Variants in LRRC7 observed in about 807,000 individuals in gnomAD.
The protein encoded by LRRC7 is leucine rich repeat containing 7, also known as leucine-rich repeat-containing protein 7.
In LRRC7, 23 loss-of-function variants were observed where a neutral mutation model predicts 175.7. That is an observed-to-expected ratio of 0.13 (90% confidence interval 0.09 to 0.19). LRRC7 has a LOEUF of 0.19. Ranked by LOEUF, LRRC7 falls within the 10% of genes least tolerant of loss-of-function variation. LRRC7 has a pLI of 1.00. For missense variants in LRRC7, 1,354 were observed against 1,904.7 expected, an observed-to-expected ratio of 0.71 and a Z score of 5.38; for synonymous variants, 685 against 680.9, an observed-to-expected ratio of 1.01 and a Z score of -0.09.
At chr1:69,776,354 G>A (rs1672804012) in intron 3 of LRRC7, among the ~76,000 whole-genome samples, 1 of 152,064 alleles carries the variant, frequency 6.6e-6, no homozygotes, top group South Asian at 2.1e-4. Flanking sequence ...AAAAAAGCTG[G>A]CCTCTCCCTA....
At position 69,650,727 on chromosome 1, in the gene LRRC7, T is replaced by TACA. The variant is rs5774989; in HGVS notation, c.3-27653_3-27652insCAA. The stretch of plus-strand genomic sequence containing the variant: ...TTTAGCCATAGCTTCCTAAACAAAA[T>TACA]ATGTTGTGCAATTTCTTATAATCAG... On this transcript the variant is annotated intron_variant, in intron 1 of 26. Coordinates refer to ENST00000651989, the MANE Select transcript of LRRC7 (RefSeq NM_001370785.2). Among the ~76,000 whole-genome samples the TACA allele has an allele frequency of 1.2e-3, 186 of 151,496 alleles. 1 individual carries two copies. The highest frequency in any genetic ancestry group is 3.5e-3 in the Admixed American group (54 of 15,248).
chr1:69,901,476 T>C (rs1646133550), intron 7 of LRRC7, among the ~76,000 whole-genome samples: 1 of 152,126 alleles, frequency 6.6e-6, no homozygotes, highest in African/African-American at 2.4e-5. Context: ...GTGGGCTTCC[T>C]CATCTAGTTT....
At chr1:69,672,039 A>T (rs1397610721) in intron 1 of LRRC7, among the ~76,000 whole-genome samples, 1 of 152,136 alleles carries the variant, frequency 6.6e-6, no homozygotes, top group Non-Finnish European at 1.5e-5. Flanking sequence ...TTTAAGTTCT[A>T]GGGCACATGT....
At chr1:69,718,125 GAAA>G (rs369845382) in intron 2 of LRRC7, among the ~76,000 whole-genome samples, 1 of 32,682 alleles carries the variant, frequency 3.1e-5, no homozygotes, top group South Asian at 9.4e-4. Flanking sequence ...AAGAAAGAAA[GAAA>G]AGAAAGAAAG....
chr1:69,686,392 A>G (rs903264188), intron 2 of LRRC7, among the ~76,000 whole-genome samples: 1 of 152,212 alleles, frequency 6.6e-6, no homozygotes, highest in Non-Finnish European at 1.5e-5. Context: ...TTGAAGCAAA[A>G]ACTATAATAC....
chr1:69,786,014 C>A (rs2101042294), intron 3 of LRRC7, among the ~76,000 whole-genome samples: 1 of 152,192 alleles, frequency 6.6e-6, no homozygotes. Flanking sequence ...TTATATCCAC[C>A]ATTTGCAGGC....
At chr1:70,073,119 C>T (rs1662513593) in intron 23 of LRRC7, among the ~76,000 whole-genome samples, 1 of 152,110 alleles carries the variant, frequency 6.6e-6, no homozygotes, top group Non-Finnish European at 1.5e-5. Flanking sequence ...TAAAAATTAC[C>T]TCTTTAACAC....
intron 1 of LRRC7, among the ~76,000 whole-genome samples, chr1:69,640,882 A>G (rs1016293147): frequency 1.3e-5 from 2 of 151,658 alleles, no homozygotes; most frequent in African/African-American, 4.8e-5. Flanking sequence ...CATAATATCT[A>G]CAAAGTCATT....
chr1:69,661,824 AT>A (rs1657518723), intron 1 of LRRC7, among the ~76,000 whole-genome samples: 2 of 152,032 alleles, frequency 1.3e-5, no homozygotes. Context: ...AAAGAATGAC[AT>A]TTTTTTCATA....
At chr1:70,058,136 A>G (rs989661215) in intron 23 of LRRC7, among the ~76,000 whole-genome samples, 2 of 151,868 alleles carry the variant, frequency 1.3e-5, no homozygotes, top group African/African-American at 4.8e-5. Context: ...CACCCTCCCA[A>G]GTAGCTGGGA....
At chr1:69,929,909 A>G (rs1191937401) in intron 7 of LRRC7, among the ~76,000 whole-genome samples, 5 of 152,082 alleles carry the variant, frequency 3.3e-5, no homozygotes, top group Admixed American at 1.3e-4. Context: ...TTCTTTAGCC[A>G]TACTGGTCTG....
intron 4 of LRRC7, among the ~76,000 whole-genome samples, chr1:69,811,602 A>G (rs1023548437): frequency 6.6e-6 from 1 of 152,088 alleles, no homozygotes; most frequent in African/African-American, 2.4e-5. Flanking sequence ...AAAAAAGGAT[A>G]AGTTCATGTC....
Position 69,986,311 on chromosome 1 carries a change from G to A in LRRC7, c.856G>A (p.Asp286Asn), listed in dbSNP as rs183786351. ...AAACAGAATAGAAACAGTTGACATG[G>A]ACATTTCTGGATGTGAAGCCCTTGA... is the stretch of plus-strand genomic sequence containing the variant. ...SKNRIETVDM[D>N]ISGCEALEDL... The change falls in exon 10 of 27, where the codon GAC (aspartate) becomes AAC (asparagine). Residue 286 changes from aspartate (D) to asparagine (N), a missense_variant. By Grantham distance (23) the Asp-to-Asn change is conservative. Around this residue, in one of 4 missense-constraint regions of LRRC7, gnomAD observed 201 missense variants for 481.4 expected, o/e 0.42. Transcript: ENST00000651989. The A allele has an allele frequency of 8.7e-6, 14 of 1,613,396 alleles. No homozygotes were observed. In the African/African-American group the frequency reaches 1.3e-4, roughly 15 times the overall value.
chr1:69,574,033 G>T (rs1464886401), intron 1 of LRRC7, among the ~76,000 whole-genome samples: 1 of 152,082 alleles, frequency 6.6e-6, no homozygotes, highest in Admixed American at 6.6e-5. Flanking sequence ...AACACAAGGG[G>T]ATAGGTATGC....
Position 69,986,265 on chromosome 1 carries a change from G to A in LRRC7, c.810G>A (p.Leu270=). The change falls in exon 10 of 27, where the codon TTG becomes TTA. Residue 270 remains leucine (L), a synonymous_variant. Coordinates refer to ENST00000651989, the MANE Select transcript of LRRC7 (RefSeq NM_001370785.2). ...AGTCTATAGGGAAGTTAAAGATGTT[G>A]GTATACCTGGATATGTCAAAAAACA... ...LPGSIGKLKM[L]VYLDMSKNRI... is the part of the protein sequence containing the mutation. The A allele has an allele frequency of 6.2e-7, 1 of 1,613,098 alleles. No homozygotes were observed. The highest frequency in any genetic ancestry group is 8.5e-7 in the Non-Finnish European group (1 of 1,179,428).
intron 24 of LRRC7, among the ~76,000 whole-genome samples, chr1:70,080,918 T>A (rs1401294269): frequency 6.6e-6 from 1 of 152,232 alleles, no homozygotes; most frequent in African/African-American, 2.4e-5. Flanking sequence ...ATTAGATCTC[T>A]CCTTTGTGTC....
chr1:69,656,285 G>A (rs1656596004), intron 1 of LRRC7, among the ~76,000 whole-genome samples: 1 of 151,862 alleles, frequency 6.6e-6, no homozygotes, highest in Non-Finnish European at 1.5e-5. Context: ...GAAAATTTGA[G>A]TTCTTAAATT....
At chr1:69,809,423 A>C (rs1281938910) in intron 4 of LRRC7, among the ~76,000 whole-genome samples, 1 of 152,202 alleles carries the variant, frequency 6.6e-6, no homozygotes, top group Non-Finnish European at 1.5e-5. Flanking sequence ...AACTCATTTT[A>C]TGAAGCCAGC....
Position 69,702,727 on chromosome 1 carries a change from G to T in LRRC7, c.100+24249G>T, listed in dbSNP as rs569601437. 3.1e-4 allele frequency among the ~76,000 whole-genome samples: 47 copies of T among 152,150 alleles called. 2 individuals carry two copies. Among genetic ancestry groups the T allele is most frequent in the African/African-American group, 1.1e-3 (47 of 41,540 alleles). On this transcript the variant is annotated intron_variant, in intron 2 of 26. Coordinates refer to ENST00000651989, the MANE Select transcript of LRRC7 (RefSeq NM_001370785.2). Reference sequence around the variant, plus strand: ...GGGGACCTAAAAGACAAATATAAATGATGGAAAAATGATTTTTGATTGAAT... The same window carrying T: ...GGGGACCTAAAAGACAAATATAAATTATGGAAAAATGATTTTTGATTGAAT...
Sources: allele counts gnomAD v4.1 joint callset (sites outside exome capture counted in the v4.1 genomes callset), GRCh38; gene constraint gnomAD v4.1.1; regional missense constraint gnomAD v4.1.1; transcripts MANE v1.5; gene names NCBI Gene and HGNC (gene_info 2026-07-23, HGNC 2026-07-21).